Variants in TRIM23 observed in about 807,000 individuals in gnomAD.
The protein encoded by TRIM23 is tripartite motif containing 23.
A neutral mutation model predicts 71.0 loss-of-function variants in TRIM23; 27 were observed. The ratio of observed to expected loss-of-function variants is 0.38; its 90% CI spans 0.28 to 0.52. The LOEUF (loss-of-function observed/expected upper bound fraction) is 0.52. Ranked by LOEUF, TRIM23 falls within the 20% of genes least tolerant of loss-of-function variation. The pLI is 0.84. For missense variants in TRIM23, 482 were observed against 692.3 expected (o/e 0.70, Z 3.41); for synonymous variants, 234 against 238.0 (o/e 0.98, Z 0.16).
chr5:65,603,934 C>T (rs943427375), intron 7 of TRIM23, among the ~76,000 whole-genome samples: 2 of 148,726 alleles, frequency 1.3e-5, no homozygotes, highest in African/African-American at 5.0e-5. Flanking sequence ...CATTATTAAA[C>T]TTTTTTGGTG....
chr5:65,594,641 A>G lies in TRIM23; in HGVS notation c.1425T>C (p.Val475=). The G allele has an allele frequency of 6.4e-7, 1 of 1,561,354 alleles. No individual in the cohort carries two copies. The highest frequency in any genetic ancestry group is 8.6e-7 in the Non-Finnish European group (1 of 1,159,362). The change falls in exon 10 of 11, where the codon GTT becomes GTC. Residue 475 remains valine (V), a synonymous_variant. Transcript: ENST00000231524. ...WKHYYLNTQA[V]VFVVDSSHRD... is the part of the protein sequence containing the mutation. ...TATGACTGCTATCTACAACAAACAC[A>G]ACAGCTACCCAAAAAAAAATAAAAA...
intron 9 of TRIM23, among the ~76,000 whole-genome samples, chr5:65,595,854 G>GT (rs1325282389): frequency 2.7e-4 from 41 of 152,248 alleles, no homozygotes; most frequent in Admixed American, 1.9e-3. Context: ...CGGCATGAGC[G>GT]TAAGCATTAT....
At chr5:65,608,440 T>C (rs1754562616) in intron 6 of TRIM23, among the ~76,000 whole-genome samples, 1 of 152,214 alleles carries the variant, frequency 6.6e-6, no homozygotes, top group South Asian at 2.1e-4. Flanking sequence ...GATGAGGCTA[T>C]AGACTGGCCA....
chr5:65,602,224 T>C (rs1008724767), intron 7 of TRIM23, among the ~76,000 whole-genome samples: 15 of 152,220 alleles, frequency 9.9e-5, no homozygotes, highest in Non-Finnish European at 2.1e-4. Flanking sequence ...TCTTGAATGC[T>C]TTGCTGCTTA....
chr5:65,598,149 C>T (rs1327032303), intron 7 of TRIM23, among the ~76,000 whole-genome samples: 2 of 152,142 alleles, frequency 1.3e-5, no homozygotes, highest in East Asian at 3.8e-4. Flanking sequence ...TCTCATTCTA[C>T]ATATTTTCAT....
In TRIM23 at chr5:65,591,618, G is replaced by A. The variant is rs866805120; in HGVS notation, c.*151C>T. On this transcript the variant is annotated 3_prime_UTR_variant, in exon 11 of 11. Coordinates refer to ENST00000231524, the MANE Select transcript of TRIM23 (RefSeq NM_001656.4). ...TGCCACAAAATTTTTTTAAAGCAAA[G>A]TACTGAATTCCCAATCCAAGATTCC... 1.7e-5 allele frequency: 19 copies of A among 1,128,262 alleles called. No homozygotes were observed. In the African/African-American group the frequency reaches 2.0e-4, roughly 12 times the overall value. 69.9% of individuals were successfully genotyped at this position (1,128,262 alleles called of 1,614,324 possible).
At chr5:65,608,088 C>G (rs1279630877) in intron 6 of TRIM23, among the ~76,000 whole-genome samples, 1 of 152,112 alleles carries the variant, frequency 6.6e-6, no homozygotes, top group Admixed American at 6.5e-5. Context: ...AAGGAGGTAG[C>G]AATTGTATGA....
At chr5:65,621,642 A>G (rs1754949526) in intron 1 of TRIM23, among the ~76,000 whole-genome samples, 1 of 152,166 alleles carries the variant, frequency 6.6e-6, no homozygotes, top group Admixed American at 6.5e-5. Flanking sequence ...AACTCGGTAA[A>G]TAATACAGCA....
In TRIM23 at chr5:65,624,305, T is replaced by C; in HGVS notation, c.-31A>G. ...CAGGGGAAGCGCCACAGAAACAGCC[T>C]TCAGAGTCCTCAACTGAGAGGCGGG... On this transcript the variant is annotated 5_prime_UTR_variant, in exon 1 of 11. Transcript: ENST00000231524. 5 of 1,611,460 alleles carry C rather than the reference T, an allele frequency of 3.1e-6. No individual in the cohort carries two copies. Among genetic ancestry groups the C allele is most frequent in the Non-Finnish European group, 4.2e-6 (5 of 1,179,318 alleles).
At chr5:65,620,967 T>G (rs987592941) in intron 1 of TRIM23, among the ~76,000 whole-genome samples, 1 of 151,934 alleles carries the variant, frequency 6.6e-6, no homozygotes, top group Admixed American at 6.6e-5. Context: ...GAGGTCGAGG[T>G]TGCTATGAGC....
At chr5:65,609,935 C>A (rs1754608881) in intron 5 of TRIM23, among the ~76,000 whole-genome samples, 1 of 152,150 alleles carries the variant, frequency 6.6e-6, no homozygotes, top group African/African-American at 2.4e-5. Flanking sequence ...GCAAAAACAA[C>A]CGGAGTCATC....
chr5:65,617,050 T>A (rs40195), intron 2 of TRIM23, among the ~76,000 whole-genome samples: 2 of 152,010 alleles, frequency 1.3e-5, no homozygotes, highest in East Asian at 3.9e-4. Flanking sequence ...AGAAATAGTA[T>A]GATATATGCA....
chr5:65,613,450 C>T (rs1462710776), intron 3 of TRIM23, among the ~76,000 whole-genome samples: 1 of 152,180 alleles, frequency 6.6e-6, no homozygotes, highest in Non-Finnish European at 1.5e-5. Context: ...CTGATATTTA[C>T]TCCAAATATA....
Position 65,601,547 on chromosome 5 carries a change from T to A in TRIM23, c.1179+3364A>T, listed in dbSNP as rs531149988. 4.7e-4 allele frequency among the ~76,000 whole-genome samples: 71 copies of A among 152,228 alleles called. No homozygotes were observed. In the South Asian group the frequency reaches 0.013, roughly 29 times the overall value. ...CACAGGAAAGACCAGCTCCCATGAT[T>A]CAATTACCTCACCCTGGGTCCCTCC... On this transcript the variant is annotated intron_variant, in intron 7 of 10. Coordinates refer to ENST00000231524, the MANE Select transcript of TRIM23 (RefSeq NM_001656.4).
At chr5:65,597,264 T>G in intron 7 of TRIM23, 84 bp from the exon 8 acceptor site, 2 of 1,346,620 alleles carry the variant, frequency 1.5e-6, no homozygotes, top group Non-Finnish European at 2.1e-6. Context: ...CTACATCTCC[T>G]ATTCATTCCT....
chr5:65,606,153 T>C (rs1220767840), intron 6 of TRIM23, among the ~76,000 whole-genome samples: 5 of 152,114 alleles, frequency 3.3e-5, no homozygotes, highest in African/African-American at 1.2e-4. Context: ...TCAGTAAAAG[T>C]TGAAGTCCAC....
Position 65,591,849 on chromosome 5 carries a change from G to C in TRIM23, c.1645C>G (p.Arg549Gly), listed in dbSNP as rs1754040003. Residue 549 changes from arginine to glycine, a missense_variant, in exon 11 of 11, where the codon CGA becomes GGA. This residue lies in a region of TRIM23 where 307 missense variants were observed against 495.8 expected (regional missense o/e 0.62). Coordinates refer to ENST00000231524, the MANE Select transcript of TRIM23 (RefSeq NM_001656.4). ...CCTTCATACAGTCCCATACCACTTC[G>C]AGCATCACAGCCCTGAATATACCAG... ...RSWYIQGCDARSGMGLYEGLD... is the reference protein window; with the variant it reads ...RSWYIQGCDAGSGMGLYEGLD... 1.9e-6 allele frequency: 3 copies of C among 1,613,890 alleles called. No homozygotes were observed. Among genetic ancestry groups the C allele is most frequent in the Non-Finnish European group, 2.5e-6 (3 of 1,179,950 alleles).
chr5:65,603,964 T>TC (rs1012220074), intron 7 of TRIM23, among the ~76,000 whole-genome samples: 27 of 149,810 alleles, frequency 1.8e-4, no homozygotes, highest in Non-Finnish European at 3.0e-4. Flanking sequence ...TATTTTGGCT[T>TC]TTTTTTTTTA....
At position 65,590,606 on chromosome 5, in the gene TRIM23, C is replaced by A. The variant is rs889522331; in HGVS notation, c.*1163G>T. 1.0e-6 allele frequency: 1 copy of A among 1,000,840 alleles called. No homozygotes were observed. The highest frequency in any genetic ancestry group is 1.2e-6 in the Non-Finnish European group (1 of 833,858). 62.0% of individuals were successfully genotyped at this position (1,000,840 alleles called of 1,614,324 possible). On this transcript the variant is annotated 3_prime_UTR_variant, in exon 11 of 11. Transcript: ENST00000231524. Reference sequence around the variant, plus strand: ...TAAATCGTGCTTCCATAATAATATTCTTTAAAAATGAAAAACAGTAAAGAG... The same window carrying A: ...TAAATCGTGCTTCCATAATAATATTATTTAAAAATGAAAAACAGTAAAGAG...
Sources: allele counts gnomAD v4.1 joint callset (sites outside exome capture counted in the v4.1 genomes callset), GRCh38; gene constraint gnomAD v4.1.1; regional missense constraint gnomAD v4.1.1; transcripts MANE v1.5; gene names NCBI Gene and HGNC (gene_info 2026-07-23, HGNC 2026-07-21).